Variants in COLQ observed in about 807,000 individuals in gnomAD.
COLQ encodes acetylcholinesterase collagenic tail peptide.
A neutral mutation model predicts 69.0 loss-of-function variants in COLQ; 48 were observed. The observed-to-expected ratio is 0.70, with a 90% confidence interval of 0.55 to 0.88. The LOEUF (loss-of-function observed/expected upper bound fraction) is 0.88, where lower values mean the gene tolerates loss of function less well. Ranked by LOEUF, COLQ falls within the 40% of genes least tolerant of loss-of-function variation. The pLI, the probability that COLQ is intolerant of heterozygous loss-of-function variation, is 0.00. For synonymous variants in COLQ, 217 were observed against 211.2 expected (o/e 1.03, Z -0.24); for missense variants, 618 against 594.6 (o/e 1.04, Z -0.41).
At chr3:15,474,068 C>G in intron 9 of COLQ, 33 bp from the exon 10 acceptor site, 1 of 1,614,012 alleles carries the variant, frequency 6.2e-7, no homozygotes, top group Non-Finnish European at 8.5e-7. Context: ...TTGTGATCAC[C>G]TCTGAAATAA....
intron 15 of COLQ, 53 bp from the exon 16 acceptor site, chr3:15,453,984 T>A (rs1021112406): frequency 7.7e-7 from 1 of 1,299,432 alleles, no homozygotes; most frequent in Non-Finnish European, 1.1e-6. Flanking sequence ...GCGATAGGCT[T>A]GCCTCAGCTT....
At chr3:15,467,742 A>C (rs1283253742) in intron 11 of COLQ, 1 of 408,750 alleles carries the variant, frequency 2.4e-6, no homozygotes, top group Admixed American at 2.7e-5. Flanking sequence ...TTCTTACTAC[A>C]CTTGCGCCTT....
At position 15,521,472 on chromosome 3, in the gene COLQ, C is replaced by G. The variant is rs775770741; in HGVS notation, c.106+48G>C. On this transcript the variant is annotated intron_variant, in intron 1 of 16. Coordinates refer to ENST00000383788, the MANE Select transcript of COLQ (RefSeq NM_005677.4). ...TTGCAAAACAATCTTCCTTCCTCCC[C>G]CTGTCCCCTGACAGATGGAAGAGAG... 182 of 1,611,306 alleles carry G rather than the reference C, an allele frequency of 1.1e-4. No homozygotes were observed. In the Admixed American group the frequency reaches 3.0e-3, roughly 26 times the overall value.
At chr3:15,475,242 T>G in intron 7 of COLQ, 183 bp downstream of exon 7, 1 of 680,622 alleles carries the variant, frequency 1.5e-6, no homozygotes, top group South Asian at 1.8e-5. Context: ...AGGAATGGCA[T>G]CCCTATGCCC....
intron 12 of COLQ, among the ~76,000 whole-genome samples, chr3:15,460,856 GCT>G (rs1285072406): frequency 6.6e-6 from 1 of 152,106 alleles, no homozygotes. Context: ...AAGTGGAAAA[GCT>G]CTGTGACCAA....
At chr3:15,457,892 C>T (rs1161426435) in intron 13 of COLQ, among the ~76,000 whole-genome samples, 1 of 152,196 alleles carries the variant, frequency 6.6e-6, no homozygotes, top group Non-Finnish European at 1.5e-5. Flanking sequence ...GCTGGGATTA[C>T]AGGCATAAGC....
intron 1 of COLQ, among the ~76,000 whole-genome samples, chr3:15,514,025 C>A (rs1403356268): frequency 6.6e-6 from 1 of 152,086 alleles, no homozygotes; most frequent in Non-Finnish European, 1.5e-5. Context: ...AAGCAAGATG[C>A]TATGCTGCTT....
At chr3:15,505,572 C>A (rs2062899454) in intron 1 of COLQ, among the ~76,000 whole-genome samples, 1 of 152,198 alleles carries the variant, frequency 6.6e-6, no homozygotes, top group South Asian at 2.1e-4. Context: ...CTATTAGGAG[C>A]CAAGGGAACA....
intron 1 of COLQ, among the ~76,000 whole-genome samples, chr3:15,496,077 C>T (rs991591264): frequency 1.3e-5 from 2 of 152,208 alleles, no homozygotes; most frequent in African/African-American, 4.8e-5. Flanking sequence ...GTGTGGCCTT[C>T]CACTGATGAA....
Position 15,477,240 on chromosome 3 carries a change from T to C in COLQ, c.394-43A>G, listed in dbSNP as rs757628483. 6 of 1,529,090 alleles carry C rather than the reference T, an allele frequency of 3.9e-6. No individual in the cohort carries two copies. The Admixed American group carries it at 5.7e-5, about 14-fold the overall frequency. The allele number at this position is 1,529,090 out of a possible 1,614,324, so 94.7% of individuals were successfully genotyped here. On this transcript the variant is annotated intron_variant, in intron 5 of 16. Coordinates refer to ENST00000383788, the MANE Select transcript of COLQ (RefSeq NM_005677.4). ...AAAAGTCAGGGCAACTGGGTTTGTT[T>C]CTTTACTTCTAATAAATATGTTTTG... is the stretch of plus-strand genomic sequence containing the variant.
Position 15,481,857 on chromosome 3 carries a change from T to C in COLQ, c.322-2475A>G, listed in dbSNP as rs185339972. Among the ~76,000 whole-genome samples, 96 of 152,342 alleles carry C rather than the reference T, an allele frequency of 6.3e-4. 2 individuals carry two copies. In the East Asian group the frequency reaches 0.018, roughly 28 times the overall value. ...CTTCCTATCCATGAGCATGGAATGT[T>C]CTTCCATTTGTTTCTGTTCTCTTTC... is the stretch of plus-strand genomic sequence containing the variant. On this transcript the variant is annotated intron_variant, in intron 3 of 16. Transcript: ENST00000383788.
chr3:15,470,066 A>G (rs2062256459), intron 11 of COLQ, among the ~76,000 whole-genome samples: 1 of 152,196 alleles, frequency 6.6e-6, no homozygotes, highest in Admixed American at 6.5e-5. Context: ...TCAACCCAAG[A>G]AAAAAGGTCA....
Position 15,488,226 on chromosome 3 carries a change from G to T in COLQ, c.301C>A (p.Pro101Thr). 6.2e-7 allele frequency: 1 copy of T among 1,612,774 alleles called. No homozygotes were observed. ...CCAACCTGGGGGCCGGGAGGCCCAG[G>T]GGAGCCTAGCGAGCCTTGCATGCAC... ...SPCMQGSLGS[P>T]GPPGPQGPPG... Residue 101 changes from proline to threonine, a missense_variant, in exon 3 of 17, where the codon CCT becomes ACT. Transcript: ENST00000383788.
At position 15,470,953 on chromosome 3, in the gene COLQ, A is replaced by G. The variant is rs182128240; in HGVS notation, c.637-337T>C. Among the ~76,000 whole-genome samples the G allele has an allele frequency of 2.0e-5, 3 of 152,356 alleles. No individual in the cohort carries two copies. In the East Asian group the frequency reaches 5.8e-4, roughly 29 times the overall value. ...GAGAGGCTGGGGCATCCAGCACAGC[A>G]TGCCTGTGCTAATTACTACAAGCTG... On this transcript the variant is annotated intron_variant, in intron 10 of 16. Coordinates refer to ENST00000383788, the MANE Select transcript of COLQ (RefSeq NM_005677.4).
At chr3:15,500,105 G>C (rs1378418538) in intron 1 of COLQ, among the ~76,000 whole-genome samples, 1 of 152,216 alleles carries the variant, frequency 6.6e-6, no homozygotes, top group Non-Finnish European at 1.5e-5. Context: ...GAGATATCAA[G>C]GAAGGATTCC....
intron 2 of COLQ, among the ~76,000 whole-genome samples, chr3:15,489,186 AG>A (rs1359549162): frequency 6.6e-6 from 1 of 152,236 alleles, no homozygotes; most frequent in African/African-American, 2.4e-5. Flanking sequence ...GAAAAACAGA[AG>A]GGGAAATTCC....
chr3:15,517,615 A>G (rs2063079927), intron 1 of COLQ, among the ~76,000 whole-genome samples: 1 of 152,158 alleles, frequency 6.6e-6, no homozygotes, highest in Non-Finnish European at 1.5e-5. Context: ...GCTGACCCTC[A>G]GTTTACCCAC....
chr3:15,471,489 C>A (rs953388771), intron 10 of COLQ, among the ~76,000 whole-genome samples: 1 of 152,246 alleles, frequency 6.6e-6, no homozygotes, highest in African/African-American at 2.4e-5. Context: ...GCGCTTCATT[C>A]CTATCTCCAG....
rs1559517774 is a variant in COLQ at position 15,470,552 on chromosome 3, C to T, written c.701G>A (p.Gly234Glu). The T allele has an allele frequency of 6.2e-7, 1 of 1,614,004 alleles. No individual in the cohort carries two copies. ...GATCCTTACCTGCTTGCCTCGTTTT[C>T]CTGGTCTTCCTGTGGGTCCTCGGTG... ...AGHRGPTGRPGKRGKQGQKGD... is the reference protein window; with the variant it reads ...AGHRGPTGRPEKRGKQGQKGD... Residue 234 changes from glycine to glutamate, a missense_variant, in exon 11 of 17, where the codon GGA (glycine) becomes GAA (glutamate). Transcript: ENST00000383788.
Sources: gnomAD v4.1 joint callset for allele counts (sites outside exome capture counted in the v4.1 genomes callset) on GRCh38, gnomAD v4.1.1 for gene constraint, MANE v1.5 for transcripts, NCBI Gene and HGNC (gene_info 2026-07-23, HGNC 2026-07-21) for gene names.